The following SPATS2 variants were observed in gnomAD, a reference collection of about 807,000 sequenced individuals.
SPATS2 encodes spermatogenesis-associated serine-rich protein 2.
A neutral mutation model predicts 63.7 loss-of-function variants in SPATS2; 38 were observed. That is an observed-to-expected ratio of 0.60 (90% CI 0.46 to 0.78). The LOEUF is 0.78. Among genes scored for constraint, SPATS2 ranks in the 30% least tolerant of loss-of-function variants. The pLI is 0.00. For missense variants in SPATS2, 588 were observed against 666.2 expected (o/e 0.88, Z 1.29); for synonymous variants, 207 against 232.9 (o/e 0.89, Z 1.01).
intron 2 of SPATS2, among the ~76,000 whole-genome samples, chr12:49,406,066 C>T (rs1944690219): frequency 6.6e-6 from 1 of 151,846 alleles, no homozygotes; most frequent in Non-Finnish European, 1.5e-5. Flanking sequence ...GAGTTCAAGA[C>T]CAGCCTGGCC....
rs564459157 is a variant in SPATS2 at position 49,393,990 on chromosome 12, CA to C, written c.-244+22702del. Among the ~76,000 whole-genome samples the C allele has an allele frequency of 4.5e-3, 688 of 152,290 alleles. 3 individuals are homozygous for C. The highest frequency in any genetic ancestry group is 5.4e-3 in the Non-Finnish European group (370 of 68,018). ...GAGCCACTGCTCCTGGCCAGCCCTA[CA>C]ACTTCTTTTTCAAAGTCGTTTTTAC... is the stretch of plus-strand genomic sequence containing the variant. On this transcript the variant is annotated intron_variant, in intron 2 of 13. Transcript: ENST00000552918.
chr12:49,503,343 C>G (rs1413209058), intron 9 of SPATS2, among the ~76,000 whole-genome samples: 1 of 145,450 alleles, frequency 6.9e-6, no homozygotes, highest in African/African-American at 2.6e-5. Context: ...GGGCGAGACT[C>G]CATCTCAAAA....
intron 2 of SPATS2, among the ~76,000 whole-genome samples, chr12:49,419,060 G>T (rs1405810481): frequency 2.6e-5 from 4 of 152,128 alleles, no homozygotes; most frequent in African/African-American, 9.7e-5. Context: ...ACATACTCCT[G>T]TTCCCCTCCC....
chr12:49,498,790 ATT>A lies in SPATS2; in HGVS notation c.704-1261_704-1260del, dbSNP rs147335434. Among the ~76,000 whole-genome samples the A allele has an allele frequency of 5.9e-4, 56 of 95,056 alleles. No homozygotes were observed. The South Asian group carries it at 0.013, about 23-fold the overall frequency. 62.4% of individuals were successfully genotyped at this position (95,056 alleles called of 152,430 possible). A position where few individuals can be genotyped will look rare whatever the true frequency, so the allele number is the denominator to read the frequency against. On this transcript the variant is annotated intron_variant, in intron 8 of 13. Coordinates refer to ENST00000552918, the MANE Select transcript of SPATS2 (RefSeq NM_023071.4). ...CTACCTTCTTGAACATATGGTATCTATTTTTTTTTTTTTTTTTTTTGAGATGG... is the reference window on the plus strand; with the variant it reads ...CTACCTTCTTGAACATATGGTATCTATTTTTTTTTTTTTTTTTTGAGATGG...
intron 2 of SPATS2, among the ~76,000 whole-genome samples, chr12:49,443,081 C>G (rs1332543602): frequency 6.6e-6 from 1 of 152,132 alleles, no homozygotes; most frequent in Non-Finnish European, 1.5e-5. Context: ...TCAGAATTTC[C>G]TTCCTCTTTA....
At chr12:49,472,760 C>T (rs1263328407) in intron 3 of SPATS2, among the ~76,000 whole-genome samples, 1 of 151,240 alleles carries the variant, frequency 6.6e-6, no homozygotes, top group Non-Finnish European at 1.5e-5. Context: ...AATAACAGGG[C>T]CAGGCGTGGT....
At position 49,478,433 on chromosome 12, in the gene SPATS2, A is replaced by T. The variant is rs376762367; in HGVS notation, c.26-6157A>T. Among the ~76,000 whole-genome samples the T allele has an allele frequency of 4.7e-4, 72 of 152,224 alleles. No homozygotes were observed. The South Asian group carries it at 0.012, about 26-fold the overall frequency. On this transcript the variant is annotated intron_variant, in intron 3 of 13. Transcript: ENST00000552918. ...GAAACTGAACTCCACTTGTAATTTT[A>T]TTGGTGACTTACATGTGGATTATTC... is the stretch of plus-strand genomic sequence containing the variant.
chr12:49,379,440 A>C (rs1453536558), intron 2 of SPATS2, among the ~76,000 whole-genome samples: 1 of 146,146 alleles, frequency 6.8e-6, no homozygotes, highest in Non-Finnish European at 1.5e-5. Flanking sequence ...AGTCCCAGCT[A>C]CTCAGGAGGT....
At chr12:49,437,508 G>A (rs1242816122) in intron 2 of SPATS2, among the ~76,000 whole-genome samples, 21 of 150,330 alleles carry the variant, frequency 1.4e-4, no homozygotes, top group Non-Finnish European at 2.1e-4. Flanking sequence ...AGCGAGCCGA[G>A]ATCACGCCAC....
At chr12:49,487,735 C>T (rs1946318902) in intron 4 of SPATS2, among the ~76,000 whole-genome samples, 1 of 151,894 alleles carries the variant, frequency 6.6e-6, no homozygotes, top group South Asian at 2.1e-4. Flanking sequence ...GTAGCTGGGA[C>T]CACAGGCATG....
intron 1 of SPATS2, among the ~76,000 whole-genome samples, chr12:49,370,040 C>CG (rs1246670587): frequency 1.3e-5 from 2 of 152,180 alleles, no homozygotes; most frequent in African/African-American, 2.4e-5. Context: ...AAAACATGAG[C>CG]ATAGCCCCTG....
At chr12:49,413,219 T>C (rs191205010) in intron 2 of SPATS2, among the ~76,000 whole-genome samples, 131 of 152,156 alleles carry the variant, frequency 8.6e-4, no homozygotes, top group Non-Finnish European at 1.3e-3. Flanking sequence ...CCTAGAGATA[T>C]GTTGATGGCT....
chr12:49,371,536 C>T (rs558350333), intron 2 of SPATS2, among the ~76,000 whole-genome samples: 75 of 152,226 alleles, frequency 4.9e-4, no homozygotes, highest in African/African-American at 1.7e-3. Flanking sequence ...AATACTTGTT[C>T]GAGTCCCTCT....
intron 2 of SPATS2, among the ~76,000 whole-genome samples, chr12:49,434,707 A>G (rs1945243102): frequency 6.6e-6 from 1 of 152,162 alleles, no homozygotes; most frequent in South Asian, 2.1e-4. Flanking sequence ...GTCTGTGACC[A>G]TATACTTCTT....
intron 2 of SPATS2, among the ~76,000 whole-genome samples, chr12:49,429,868 C>T (rs1412218382): frequency 1.3e-5 from 2 of 151,222 alleles, no homozygotes; most frequent in Non-Finnish European, 2.9e-5. Flanking sequence ...GCAACCTCCG[C>T]CTCCTGGGTT....
chr12:49,478,301 T>C (rs1195234642), intron 3 of SPATS2, among the ~76,000 whole-genome samples: 5 of 152,190 alleles, frequency 3.3e-5, no homozygotes, highest in Non-Finnish European at 7.3e-5. Context: ...TGTGAAGTTC[T>C]GAATAGGCCT....
chr12:49,509,666 A>C (rs968454269), intron 9 of SPATS2, among the ~76,000 whole-genome samples: 2 of 151,900 alleles, frequency 1.3e-5, no homozygotes, highest in Non-Finnish European at 2.9e-5. Flanking sequence ...AAATACAAAA[A>C]TTAGCCAGGC....
chr12:49,389,776 G>A (rs116842415), intron 2 of SPATS2: 7 of 1,233,662 alleles, frequency 5.7e-6, no homozygotes, highest in South Asian at 2.4e-5. Context: ...AAAGAATTGC[G>A]TACATCCCTG....
intron 1 of SPATS2, among the ~76,000 whole-genome samples, chr12:49,368,648 C>T (rs1047948048): frequency 6.6e-6 from 1 of 152,152 alleles, no homozygotes; most frequent in Non-Finnish European, 1.5e-5. Flanking sequence ...AAATAGGCTG[C>T]CTCATACCTT....
Sources: allele counts gnomAD v4.1 joint callset (sites outside exome capture counted in the v4.1 genomes callset), GRCh38; gene constraint gnomAD v4.1.1; transcripts MANE v1.5; gene names NCBI Gene and HGNC (gene_info 2026-07-23, HGNC 2026-07-21).